Variants in ABR observed in about 807,000 individuals in gnomAD.
ABR encodes ABR activator of RhoGEF and GTPase, also known as active breakpoint cluster region-related protein.
Under a neutral mutation model 107.2 loss-of-function variants are expected in ABR, and 35 were observed. The ratio of observed to expected loss-of-function variants is 0.33; its 90% CI spans 0.25 to 0.43. ABR has a LOEUF of 0.43. Ranked by LOEUF, ABR falls within the 20% of genes least tolerant of loss-of-function variation. ABR has a pLI of 1.00. For missense variants in ABR, 815 were observed against 1,115.2 expected (o/e 0.73, Z 3.83); for synonymous variants, 498 against 462.0 (o/e 1.08, Z -1.00).
At chr17:1,048,657 C>T (rs1404713674) in intron 16 of ABR, among the ~76,000 whole-genome samples, 1 of 122,272 alleles carries the variant, frequency 8.2e-6, no homozygotes, top group Non-Finnish European at 1.8e-5. Context: ...GGTCAAGAAG[C>T]TCGGCGCCCA....
chr17:1,029,339 G>T (rs1034023169), intron 16 of ABR, among the ~76,000 whole-genome samples: 1 of 152,092 alleles, frequency 6.6e-6, no homozygotes, highest in Non-Finnish European at 1.5e-5. Context: ...AGGATCCTCC[G>T]TGAGTGTCCC....
intron 3 of ABR, among the ~76,000 whole-genome samples, chr17:1,099,231 C>G (rs138501968): frequency 1.3e-5 from 2 of 151,860 alleles, no homozygotes; most frequent in African/African-American, 4.8e-5. Flanking sequence ...TGCACCACCA[C>G]GCCTGGCTTT....
chr17:1,108,718 G>T (rs1455700934), intron 2 of ABR, among the ~76,000 whole-genome samples: 1 of 152,190 alleles, frequency 6.6e-6, no homozygotes, highest in Non-Finnish European at 1.5e-5. Flanking sequence ...CCTGAGCTGG[G>T]CTGGCCTGGA....
At chr17:1,162,330 G>A (rs1050983330) in intron 1 of ABR, among the ~76,000 whole-genome samples, 27 of 152,192 alleles carry the variant, frequency 1.8e-4, no homozygotes, top group Non-Finnish European at 2.6e-4. Flanking sequence ...GGAGAGACTC[G>A]GCAAGAACAG....
At chr17:1,031,761 G>T in intron 16 of ABR, 1 of 1,233,090 alleles carries the variant, frequency 8.1e-7, no homozygotes. Flanking sequence ...GACGGGACGC[G>T]GCGCTGGAGA....
In ABR at chr17:1,004,835, C is replaced by A; in HGVS notation, c.*1245G>T. 2.5e-6 allele frequency: 1 copy of A among 392,296 alleles called. No homozygotes were observed. Among genetic ancestry groups the A allele is most frequent in the Non-Finnish European group, 4.5e-6 (1 of 222,292 alleles). The allele number at this position is 392,296 out of a possible 1,614,324, so 24.3% of individuals were successfully genotyped here. On this transcript the variant is annotated 3_prime_UTR_variant, in exon 23 of 23. Transcript: ENST00000302538. ...GCTGGGGCGGCACCACAATGGCTGG[C>A]CACCGTGGGCCTGTGCCTTTGCTTC... is the stretch of plus-strand genomic sequence containing the variant.
At position 1,010,899 on chromosome 17, in the gene ABR, T is replaced by C. The variant is rs2150722008; in HGVS notation, c.2102-36A>G. On this transcript the variant is annotated intron_variant, in intron 19 of 22. Coordinates refer to ENST00000302538, the MANE Select transcript of ABR (RefSeq NM_021962.5). The surrounding 1 kb of genome is among the most constrained non-coding windows in gnomAD (Gnocchi z 4.1). ...GGGGCCGAGGTCAGGCAGCCTTAGC[T>C]GGGCCAGCAGCCCCGTTCCACCCCC... The C allele has an allele frequency of 6.2e-7, 1 of 1,610,602 alleles. No individual in the cohort carries two copies. Among genetic ancestry groups the C allele is most frequent in the South Asian group, 1.1e-5 (1 of 90,970 alleles).
At chr17:1,138,648 G>C (rs1183772103) in intron 1 of ABR, among the ~76,000 whole-genome samples, 1 of 151,894 alleles carries the variant, frequency 6.6e-6, no homozygotes, top group Non-Finnish European at 1.5e-5. Flanking sequence ...TGGCTGATTC[G>C]AAAAAGTTTT....
chr17:1,190,230 G>C (rs1181174579), upstream of ABR, among the ~76,000 whole-genome samples: 1 of 152,196 alleles, frequency 6.6e-6, no homozygotes, highest in Non-Finnish European at 1.5e-5. Flanking sequence ...ATCCAATCAG[G>C]CTCCAACATG....
intron 1 of ABR, among the ~76,000 whole-genome samples, chr17:1,146,677 C>A (rs1431323149): frequency 6.7e-6 from 1 of 149,112 alleles, no homozygotes; most frequent in Non-Finnish European, 1.5e-5. Context: ...CAGGCCACCA[C>A]TGCCACACGA....
At chr17:1,125,490 G>A (rs2039555649) in intron 1 of ABR, 123 bp from the exon 2 acceptor site, 1 of 1,087,272 alleles carries the variant, frequency 9.2e-7, no homozygotes, top group Non-Finnish European at 1.3e-6. Context: ...ATCCACGCCT[G>A]GCCCGGGCGG....
At position 1,010,473 on chromosome 17, in the gene ABR, C is replaced by A; in HGVS notation, c.2236+256G>T. 2.0e-6 allele frequency: 1 copy of A among 509,426 alleles called. No individual in the cohort carries two copies. The highest frequency in any genetic ancestry group is 3.5e-6 in the Non-Finnish European group (1 of 284,174). The allele number at this position is 509,426 out of a possible 1,614,324, so 31.6% of individuals were successfully genotyped here. On this transcript the variant is annotated intron_variant, in intron 20 of 22. Coordinates refer to ENST00000302538, the MANE Select transcript of ABR (RefSeq NM_021962.5). This position sits in a 1 kb window ranked among gnomAD's most constrained non-coding sequence, Gnocchi z 4.1. Reference sequence around the variant, plus strand: ...CTCGAGCTTCCAAGCAAGAGGCCAACGTCCAAATAGGAAGCAGAAGGGGCT... The same window carrying A: ...CTCGAGCTTCCAAGCAAGAGGCCAAAGTCCAAATAGGAAGCAGAAGGGGCT...
intron 1 of ABR, among the ~76,000 whole-genome samples, chr17:1,162,145 A>G (rs946109258): frequency 2.0e-5 from 3 of 152,268 alleles, no homozygotes; most frequent in African/African-American, 7.2e-5. Flanking sequence ...ATGTGAAAAG[A>G]CTCAGTTCGT....
At chr17:1,007,390 G>C in intron 21 of ABR, 78 bp from the exon 22 acceptor site, 1 of 1,562,408 alleles carries the variant, frequency 6.4e-7, no homozygotes. Context: ...GGCCTTCGCT[G>C]TGGGAACTCC....
chr17:1,062,067 C>A (rs2034012895), intron 10 of ABR, among the ~76,000 whole-genome samples: 1 of 152,136 alleles, frequency 6.6e-6, no homozygotes, highest in Admixed American at 6.6e-5. Context: ...GAGAAGCTTC[C>A]CAGGGGTGGT....
At chr17:1,091,177 G>C (rs1181001598) in intron 4 of ABR, among the ~76,000 whole-genome samples, 1 of 152,164 alleles carries the variant, frequency 6.6e-6, no homozygotes. Context: ...CAGGGGAGCA[G>C]TCCTCATGCC....
At chr17:1,069,015 T>C (rs150466270) in intron 9 of ABR, among the ~76,000 whole-genome samples, 1,671 of 152,338 alleles carry the variant, frequency 0.011, 35 homozygotes, top group African/African-American at 0.038. Context: ...AATTCAGAGA[T>C]GTCTAATAAA....
chr17:1,082,746 G>A (rs908274495), intron 5 of ABR, among the ~76,000 whole-genome samples: 6 of 152,134 alleles, frequency 3.9e-5, no homozygotes, highest in South Asian at 2.1e-4. Context: ...TGGGCCCCAC[G>A]CAAAGCCTTC....
intron 10 of ABR, 95 bp from the exon 11 acceptor site, chr17:1,058,962 C>A: frequency 6.6e-7 from 1 of 1,513,574 alleles, no homozygotes; most frequent in South Asian, 1.3e-5. Flanking sequence ...TTAACATGCT[C>A]TTTACATTTT....
Sources: allele counts gnomAD v4.1 joint callset (sites outside exome capture counted in the v4.1 genomes callset), GRCh38; gene constraint gnomAD v4.1.1; non-coding constraint Gnocchi (gnomAD v3.1); transcripts MANE v1.5; gene names NCBI Gene and HGNC (gene_info 2026-07-23, HGNC 2026-07-21).